PIGS: variants seen among roughly 807,000 people sequenced by gnomAD.
The protein encoded by PIGS is GPI-anchor transamidase component PIGS.
In PIGS, 37 loss-of-function variants were observed where a neutral mutation model predicts 58.2. The ratio of observed to expected loss-of-function variants is 0.64; its 90% CI spans 0.49 to 0.84. The LOEUF (loss-of-function observed/expected upper bound fraction) is 0.84, where lower values mean the gene tolerates loss of function less well. PIGS is among the 40% of genes least tolerant of loss of function. PIGS has a pLI of 0.00. For synonymous variants in PIGS, 269 were observed against 289.2 expected (o/e 0.93, Z 0.71); for missense variants, 629 against 710.8 (o/e 0.88, Z 1.31).
At chr17:28,557,395 G>A (rs2070337907) in intron 8 of PIGS, 1 of 172,872 alleles carries the variant, frequency 5.8e-6, no homozygotes, top group Non-Finnish European at 1.2e-5. Context: ...TTTATGACCT[G>A]GCTCCTGCCT....
chr17:28,561,233 G>A (rs2070362223), intron 6 of PIGS, among the ~76,000 whole-genome samples, 189 bp downstream of exon 6: 1 of 151,886 alleles, frequency 6.6e-6, no homozygotes, highest in African/African-American at 2.4e-5. Flanking sequence ...ACTCAGCCCA[G>A]GCAACAGAGT....
intron 3 of PIGS, among the ~76,000 whole-genome samples, chr17:28,568,865 G>T (rs2070409336): frequency 6.6e-6 from 1 of 151,140 alleles, no homozygotes. Flanking sequence ...GGAGGCCGAG[G>T]CTGGTGGATC....
chr17:28,570,662 C>T lies in PIGS; in HGVS notation c.286+190G>A, dbSNP rs987999927. The stretch of plus-strand genomic sequence containing the variant: ...GCTTCCGATTAGGTAGCCTGTCTTA[C>T]GAGTAAAATTGCTATTTAGTGACTG... On this transcript the variant is annotated intron_variant, in intron 3 of 11. Transcript: ENST00000308360. Among the ~76,000 whole-genome samples the T allele has an allele frequency of 3.9e-5, 6 of 152,306 alleles. No individual in the cohort carries two copies. In the South Asian group the frequency reaches 1.0e-3, roughly 26 times the overall value.
In PIGS at chr17:28,561,390, C is replaced by G. The variant is rs756719028; in HGVS notation, c.676+32G>C. ...TCCTGCCCCATGTAATTCATTTCCTCTCCCTTCATGTGGCAGAGCCTGGTG... is the reference window on the plus strand; with the variant it reads ...TCCTGCCCCATGTAATTCATTTCCTGTCCCTTCATGTGGCAGAGCCTGGTG... On this transcript the variant is annotated intron_variant, in intron 6 of 11. Coordinates refer to ENST00000308360, the MANE Select transcript of PIGS (RefSeq NM_033198.4). The G allele has an allele frequency of 1.9e-6, 3 of 1,608,492 alleles. No homozygotes were observed. In the African/African-American group the frequency reaches 4.0e-5, roughly 22 times the overall value.
At chr17:28,557,049 T>C in intron 8 of PIGS, 77 bp from the exon 9 acceptor site, 1 of 1,523,540 alleles carries the variant, frequency 6.6e-7, no homozygotes, top group Non-Finnish European at 9.0e-7. Flanking sequence ...TCTAACTTGC[T>C]GGTCACTCAC....
intron 7 of PIGS, among the ~76,000 whole-genome samples, chr17:28,558,808 G>T (rs991538471): frequency 2.6e-5 from 4 of 152,182 alleles, no homozygotes; most frequent in African/African-American, 9.6e-5. Flanking sequence ...ATTTTACCAG[G>T]TTTCCTAACA....
rs2070326660 is a variant in PIGS at position 28,556,209 on chromosome 17, C to T, written c.1138G>A (p.Val380Met). The change falls in exon 10 of 12, where the codon GTG (valine) becomes ATG (methionine). Residue 380 changes from valine to methionine, a missense_variant. Transcript: ENST00000308360. Reference protein sequence around the residue: ...NASVLPVRVEVDMVRVMEVFL... With the variant: ...NASVLPVRVEMDMVRVMEVFL... Reference sequence around the variant, plus strand: ...ACCTCCATCACTCGCACCATGTCCACCTCGACTCTCACTGGCAGCACTGAG... The same window carrying T: ...ACCTCCATCACTCGCACCATGTCCATCTCGACTCTCACTGGCAGCACTGAG... The T allele has an allele frequency of 6.2e-7, 1 of 1,613,984 alleles. No individual in the cohort carries two copies. Among genetic ancestry groups the T allele is most frequent in the Non-Finnish European group, 8.5e-7 (1 of 1,179,950 alleles).
chr17:28,561,678 C>A (rs1322361478), intron 5 of PIGS, 49 bp from the exon 6 acceptor site: 4 of 1,544,804 alleles, frequency 2.6e-6, no homozygotes, highest in Admixed American at 3.9e-5. Flanking sequence ...GAAAAGAAAG[C>A]CAAAAAGCAC....
chr17:28,571,267 A>G lies in PIGS; in HGVS notation c.35-79T>C. ...CCATCCCCGACGCGGAGAAGCCCCA[A>G]CCACCGGCCTCCAGGGGCCCGCGTT... On this transcript the variant is annotated intron_variant, in intron 1 of 11. Transcript: ENST00000308360. The G allele has an allele frequency of 2.6e-6, 4 of 1,559,110 alleles. No homozygotes were observed. In the South Asian group the frequency reaches 4.8e-5, roughly 19 times the overall value.
At chr17:28,570,807 ACTGAG>A in intron 3 of PIGS, 40 bp downstream of exon 3, 1 of 1,587,042 alleles carries the variant, frequency 6.3e-7, no homozygotes, top group South Asian at 1.1e-5. Flanking sequence ...TCAGCTCTGA[ACTGAG>A]CTCAGAGGCG....
At chr17:28,557,012 G>A (rs2070334719) in intron 8 of PIGS, 40 bp from the exon 9 acceptor site, 1 of 1,612,012 alleles carries the variant, frequency 6.2e-7, no homozygotes, top group African/African-American at 1.3e-5. Context: ...AAACATGCTG[G>A]ACCTGGACCT....
intron 8 of PIGS, among the ~76,000 whole-genome samples, 197 bp downstream of exon 8, chr17:28,558,279 C>A (rs552708133): frequency 6.6e-6 from 1 of 152,174 alleles, no homozygotes; most frequent in East Asian, 1.9e-4. Context: ...GCACTTTAGA[C>A]TGGGCAACAG....
At chr17:28,565,470 AT>A (rs972298682) in intron 3 of PIGS, among the ~76,000 whole-genome samples, 5 of 151,970 alleles carry the variant, frequency 3.3e-5, no homozygotes, top group African/African-American at 1.2e-4. Flanking sequence ...TCCTGAAGGG[AT>A]TTTTTTTGCC....
Position 28,553,842 on chromosome 17 carries a change from G to T in PIGS, c.*378C>A. ...GCTGTCCCACAGGGACTAGAGAGAG[G>T]TGTGGAAGGCAGGGACTTTCCCATA... On this transcript the variant is annotated 3_prime_UTR_variant, in exon 12 of 12. Coordinates refer to ENST00000308360, the MANE Select transcript of PIGS (RefSeq NM_033198.4). 1 of 262,344 alleles carries T rather than the reference G, an allele frequency of 3.8e-6. No homozygotes were observed. The highest frequency in any genetic ancestry group is 7.4e-6 in the Non-Finnish European group (1 of 135,434). The allele number at this position is 262,344 out of a possible 1,614,324, so 16.3% of individuals were successfully genotyped here. A position where few individuals can be genotyped will look rare whatever the true frequency, so the allele number is the denominator to read the frequency against.
At chr17:28,567,227 C>T (rs754012997) in intron 3 of PIGS, among the ~76,000 whole-genome samples, 4 of 152,128 alleles carry the variant, frequency 2.6e-5, no homozygotes, top group African/African-American at 9.7e-5. Flanking sequence ...CAGGATACAA[C>T]ACAATAGGAA....
chr17:28,571,365 C>A, intron 1 of PIGS, 98 bp downstream of exon 1: 1 of 1,549,630 alleles, frequency 6.5e-7, no homozygotes, highest in Non-Finnish European at 8.8e-7. Flanking sequence ...CCCCGAGCCC[C>A]CCGTCCGCGG....
rs1362775662 is a variant in PIGS at position 28,554,419 on chromosome 17, G to A, written c.1469C>T (p.Ala490Val). Reference protein sequence around the residue: ...ASGHLASAFVASQEAVTSSEL... With the variant: ...ASGHLASAFVVSQEAVTSSEL... ...AGAGGATGTCACAGCTTCCTGGCTGGCGACAAAGGCAGATGCCAGGTGCCC... is the reference window on the plus strand; with the variant it reads ...AGAGGATGTCACAGCTTCCTGGCTGACGACAAAGGCAGATGCCAGGTGCCC... The change falls in exon 12 of 12, where the codon GCC becomes GTC. Residue 490 changes from alanine (A) to valine (V), a missense_variant. Coordinates refer to ENST00000308360, the MANE Select transcript of PIGS (RefSeq NM_033198.4). The A allele has an allele frequency of 1.2e-6, 2 of 1,614,082 alleles. No individual in the cohort carries two copies. The highest frequency in any genetic ancestry group is 2.2e-5 in the East Asian group (1 of 44,890).
chr17:28,559,775 G>T (rs2070352026), intron 7 of PIGS, among the ~76,000 whole-genome samples: 1 of 151,962 alleles, frequency 6.6e-6, no homozygotes, highest in Non-Finnish European at 1.5e-5. Context: ...AGGTCTAGAG[G>T]GAGCTATAGG....
intron 5 of PIGS, among the ~76,000 whole-genome samples, chr17:28,562,236 T>A (rs944197858): frequency 6.6e-6 from 1 of 152,188 alleles, no homozygotes; most frequent in Non-Finnish European, 1.5e-5. Flanking sequence ...TTTACAGAGA[T>A]ACAGCATATG....
Sources: gnomAD v4.1 joint callset for allele counts (sites outside exome capture counted in the v4.1 genomes callset) on GRCh38, gnomAD v4.1.1 for gene constraint, MANE v1.5 for transcripts, NCBI Gene and HGNC (gene_info 2026-07-23, HGNC 2026-07-21) for gene names.